Variants in PTPRD observed in about 807,000 individuals in gnomAD.
PTPRD encodes the protein protein tyrosine phosphatase receptor type D.
PTPRD carries 34 observed loss-of-function variants against 214.5 expected under a neutral mutation model. The observed-to-expected ratio is 0.16, with a 90% CI of 0.12 to 0.21. PTPRD has a LOEUF of 0.21. Among genes scored for constraint, PTPRD ranks in the 10% least tolerant of loss-of-function variants. The pLI, the probability that PTPRD is intolerant of heterozygous loss-of-function variation, is 1.00. For synonymous variants in PTPRD, 1,128 were observed against 845.7 expected, an observed-to-expected ratio of 1.33 and a Z score of -5.79; for missense variants, 2,545 against 2,398.7, an observed-to-expected ratio of 1.06 and a Z score of -1.27.
chr9:9,473,635 A>G (rs1201191592), intron 8 of PTPRD, among the ~76,000 whole-genome samples: 1 of 152,096 alleles, frequency 6.6e-6, no homozygotes, highest in African/African-American at 2.4e-5. Flanking sequence ...CTTTGTCAGC[A>G]TTTGTTAGCA....
At chr9:8,341,009 G>T (rs958192999) in intron 41 of PTPRD, 81 bp downstream of exon 41, 1 of 1,338,858 alleles carries the variant, frequency 7.5e-7, no homozygotes, top group Admixed American at 2.5e-5. Flanking sequence ...TTTGAATGGA[G>T]ATGAAATTTA....
intron 4 of PTPRD, among the ~76,000 whole-genome samples, chr9:9,947,441 T>C (rs1343648762): frequency 3.4e-5 from 1 of 29,038 alleles, no homozygotes; most frequent in Non-Finnish European, 4.6e-5. Context: ...ATATATTATA[T>C]ATTTTATATA....
chr9:9,691,302 C>A (rs2097265828), intron 7 of PTPRD, among the ~76,000 whole-genome samples: 1 of 152,092 alleles, frequency 6.6e-6, no homozygotes, highest in Non-Finnish European at 1.5e-5. Flanking sequence ...CCCTTCCTAG[C>A]CTTTTGAAAC....
chr9:10,285,752 A>T (rs1259945447), intron 3 of PTPRD, among the ~76,000 whole-genome samples: 1 of 151,704 alleles, frequency 6.6e-6, no homozygotes, highest in East Asian at 2.0e-4. Context: ...CTGGGATTAC[A>T]GGCGCCTGCC....
At chr9:10,354,756 C>T (rs770387547) in intron 2 of PTPRD, among the ~76,000 whole-genome samples, 2 of 152,072 alleles carry the variant, frequency 1.3e-5, no homozygotes, top group Admixed American at 6.5e-5. Context: ...TTGTCACTTC[C>T]ATCTTCATGT....
At chr9:8,818,244 T>C (rs560745269) in intron 11 of PTPRD, among the ~76,000 whole-genome samples, 3 of 152,342 alleles carry the variant, frequency 2.0e-5, no homozygotes, top group African/African-American at 7.2e-5. Context: ...AATTAAATGA[T>C]AGCATTTTAC....
At chr9:9,422,951 G>C (rs1470615046) in intron 8 of PTPRD, among the ~76,000 whole-genome samples, 3 of 152,136 alleles carry the variant, frequency 2.0e-5, no homozygotes, top group Non-Finnish European at 4.4e-5. Context: ...AGGAAGGAGA[G>C]TCCCTGATAA....
rs368679765 is a variant in PTPRD at position 10,161,193 on chromosome 9, T to C, written c.-544-127403A>G. 7.2e-5 allele frequency among the ~76,000 whole-genome samples: 11 copies of C among 151,914 alleles called. 1 individual carries two copies. Among genetic ancestry groups the C allele is most frequent in the African/African-American group, 2.4e-4 (10 of 41,534 alleles). ...CCAATGAAAACACCAATAACATTATTCACACAAATTTTAAAATTTCTACAC... is the reference window on the plus strand; with the variant it reads ...CCAATGAAAACACCAATAACATTATCCACACAAATTTTAAAATTTCTACAC... On this transcript the variant is annotated intron_variant, in intron 3 of 45. Coordinates refer to ENST00000381196, the MANE Select transcript of PTPRD (RefSeq NM_002839.4).
At chr9:9,936,012 A>G (rs1392049767) in intron 5 of PTPRD, among the ~76,000 whole-genome samples, 1 of 150,706 alleles carries the variant, frequency 6.6e-6, no homozygotes, top group African/African-American at 2.5e-5. Flanking sequence ...TGCTGGGAAA[A>G]CTGGCTAGCC....
At chr9:9,046,292 T>C (rs2099671971) in intron 10 of PTPRD, among the ~76,000 whole-genome samples, 1 of 152,186 alleles carries the variant, frequency 6.6e-6, no homozygotes, top group South Asian at 2.1e-4. Flanking sequence ...TCCAGTCTCT[T>C]GCCATCTTAG....
At chr9:9,108,517 T>G (rs10977502) in intron 10 of PTPRD, among the ~76,000 whole-genome samples, 18,270 of 152,192 alleles carry the variant, frequency 0.12, 1,337 homozygotes, top group East Asian at 0.22. Flanking sequence ...ACTCTCCAGG[T>G]TGACTCTCCT....
Position 8,341,741 on chromosome 9 carries a change from T to C in PTPRD, c.4899A>G (p.Thr1633=). Residue 1633 remains threonine, a synonymous_variant, in exon 40 of 46, where the codon ACA becomes ACG. Transcript: ENST00000381196. The stretch of plus-strand genomic sequence containing the variant: ...TGACATTCTCTCCCGTTTCTATTTG[T>C]GTCAGCTTCTGAATGTAGGCATACA... The part of the protein sequence containing the change: ...RNLYAYIQKL[T]QIETGENVTG... 1.2e-6 allele frequency: 2 copies of C among 1,613,608 alleles called. No homozygotes were observed.
At chr9:9,797,703 A>T (rs1478498416) in intron 5 of PTPRD, among the ~76,000 whole-genome samples, 1 of 151,790 alleles carries the variant, frequency 6.6e-6, no homozygotes, top group African/African-American at 2.4e-5. Context: ...AAAACTAGCC[A>T]GGACTTGTGG....
intron 9 of PTPRD, among the ~76,000 whole-genome samples, chr9:9,299,147 C>T (rs1277213381): frequency 6.6e-6 from 1 of 151,492 alleles, no homozygotes; most frequent in East Asian, 1.9e-4. Flanking sequence ...AACGGTAAAT[C>T]CAATAGAATA....
At chr9:8,934,358 C>T (rs1009449295) in intron 11 of PTPRD, among the ~76,000 whole-genome samples, 1 of 142,032 alleles carries the variant, frequency 7.0e-6, no homozygotes, top group Non-Finnish European at 1.5e-5. Flanking sequence ...TTCCCCTTCC[C>T]AGCTTTATAG....
intron 3 of PTPRD, among the ~76,000 whole-genome samples, chr9:10,253,101 T>C (rs12003048): frequency 0.052 from 7,853 of 152,246 alleles, 434 homozygotes; most frequent in East Asian, 0.14. Flanking sequence ...TATTTTATTT[T>C]TTCTAAATGA....
intron 9 of PTPRD, among the ~76,000 whole-genome samples, chr9:9,187,783 T>A (rs947461927): frequency 6.6e-6 from 1 of 151,978 alleles, no homozygotes; most frequent in African/African-American, 2.4e-5. Flanking sequence ...TAAGAGGATT[T>A]TTTTTTTGTG....
chr9:9,700,206 A>G (rs1336527873), intron 7 of PTPRD, among the ~76,000 whole-genome samples: 1 of 152,172 alleles, frequency 6.6e-6, no homozygotes, highest in Non-Finnish European at 1.5e-5. Context: ...GCCCTTCGGA[A>G]ATACATTAAA....
In PTPRD at chr9:8,500,705, T is replaced by C. The variant is rs747213257; in HGVS notation, c.2128+49A>G. On this transcript the variant is annotated intron_variant, in intron 24 of 45. Coordinates refer to ENST00000381196, the MANE Select transcript of PTPRD (RefSeq NM_002839.4). ...TGTGAGCCTATTGAAAGACAGCAGA[T>C]CAAGACTGTGTCAGAAGGGTGCAAA... The C allele has an allele frequency of 8.3e-6, 13 of 1,571,156 alleles. No individual in the cohort carries two copies. The Admixed American group carries it at 2.2e-4, about 27-fold the overall frequency.
Sources: allele counts gnomAD v4.1 joint callset (sites outside exome capture counted in the v4.1 genomes callset), GRCh38; gene constraint gnomAD v4.1.1; transcripts MANE v1.5; gene names NCBI Gene and HGNC (gene_info 2026-07-23, HGNC 2026-07-21).